The following CDC42BPA variants were observed in gnomAD, a reference collection of about 807,000 sequenced individuals.
CDC42BPA encodes serine/threonine-protein kinase MRCK alpha.
A neutral mutation model predicts 223.5 loss-of-function variants in CDC42BPA; 80 were observed. The ratio of observed to expected loss-of-function variants is 0.36; its 90% confidence interval spans 0.30 to 0.43. The LOEUF is 0.43. Among genes scored for constraint, CDC42BPA ranks in the 20% least tolerant of loss-of-function variants. The probability of loss-of-function intolerance (pLI) is 1.00; values close to 1 mark genes in which losing one functional copy is unlikely to be tolerated. For missense variants in CDC42BPA, 1,743 were observed against 2,099.9 expected, an observed-to-expected ratio of 0.83 and a Z score of 3.32; for synonymous variants, 694 against 718.6, an observed-to-expected ratio of 0.97 and a Z score of 0.55.
At chr1:227,038,710 A>T (rs1265862021) in intron 24 of CDC42BPA, among the ~76,000 whole-genome samples, 1 of 152,220 alleles carries the variant, frequency 6.6e-6, no homozygotes, top group Non-Finnish European at 1.5e-5. Flanking sequence ...AACAAGTGGG[A>T]TCAAGATCCT....
intron 34 of CDC42BPA, among the ~76,000 whole-genome samples, chr1:227,008,145 T>G (rs1664460094): frequency 6.6e-6 from 1 of 152,230 alleles, no homozygotes; most frequent in African/African-American, 2.4e-5. Context: ...GAAAGATATT[T>G]GCTGAATAAA....
intron 5 of CDC42BPA, among the ~76,000 whole-genome samples, chr1:227,168,504 T>TTTTTTGTTTTTTTTTTTG (rs1665514853): frequency 1.1e-5 from 1 of 90,902 alleles, no homozygotes; most frequent in African/African-American, 4.2e-5. Flanking sequence ...GGTGTTTTTT[T>TTTTTTGTTTTTTTTTTTG]TTTTTTTTTG....
At position 227,143,020 on chromosome 1, in the gene CDC42BPA, G is replaced by A. The variant is rs372428965; in HGVS notation, c.1148C>T (p.Thr383Met). ...TGCAGTATGTGTTGGTGGGGGCATC[G>A]TTTCCTAAAGGAGGAAAAAACATCT... ...VDDDCLKNSE[T>M]MPPPTHTAFS... is the part of the protein sequence containing the mutation. The change falls in exon 9 of 37, where the codon ACG (threonine) becomes ATG (methionine). Residue 383 changes from threonine (T) to methionine (M), a missense_variant. By Grantham distance (81) the Thr-to-Met change is moderately conservative. This residue lies in a region of CDC42BPA where 321 missense variants were observed against 488.7 expected (regional missense o/e 0.66). Coordinates refer to ENST00000366766, the MANE Select transcript of CDC42BPA (RefSeq NM_001394014.1). 1.2e-5 allele frequency: 18 copies of A among 1,521,780 alleles called. No homozygotes were observed. Among genetic ancestry groups the A allele is most frequent in the Admixed American group, 2.5e-5 (1 of 40,328 alleles). 94.3% of individuals were successfully genotyped at this position (1,521,780 alleles called of 1,614,324 possible).
chr1:227,300,865 G>A (rs1173931159), intron 1 of CDC42BPA, among the ~76,000 whole-genome samples: 3 of 152,206 alleles, frequency 2.0e-5, no homozygotes, highest in African/African-American at 7.2e-5. Flanking sequence ...GCATTTACAA[G>A]TATCAACTTG....
chr1:227,254,078 C>A lies in CDC42BPA; in HGVS notation c.256G>T (p.Gly86Ter). The A allele has an allele frequency of 2.5e-6, 4 of 1,592,846 alleles. No homozygotes were observed. The highest frequency in any genetic ancestry group is 3.4e-6 in the Non-Finnish European group (4 of 1,165,024). The stretch of plus-strand genomic sequence containing the variant: ...TAATCTCTTACCTCCCCAAAAGCTC[C>A]TCGACCAATCACCTTTAATATTTCA... ...DFEILKVIGR[G>*]AFGEVAVVKL... The change falls in exon 2 of 37, where the codon GGA (glycine) becomes TGA (stop). Residue 86 changes from glycine to a stop codon, truncating the protein, a stop_gained. Coordinates refer to ENST00000366766, the MANE Select transcript of CDC42BPA (RefSeq NM_001394014.1). LOFTEE classifies it high-confidence loss of function.
intron 6 of CDC42BPA, among the ~76,000 whole-genome samples, 177 bp from the exon 7 acceptor site, chr1:227,147,736 T>C (rs1021020895): frequency 1.3e-5 from 2 of 152,164 alleles, no homozygotes; most frequent in Admixed American, 6.5e-5. Context: ...ATTAATAGTT[T>C]TCAGGATTTC....
rs528435401 is a variant in CDC42BPA at position 227,022,960 on chromosome 1, AT to A, written c.4615+302del. The stretch of plus-strand genomic sequence containing the variant: ...TTACAAATTTTGGTTAGGTTCTACA[AT>A]ATTGAAAATACAGAAGACATAATCA... On this transcript the variant is annotated intron_variant, in intron 32 of 36. Coordinates refer to ENST00000366766, the MANE Select transcript of CDC42BPA (RefSeq NM_001394014.1). Among the ~76,000 whole-genome samples the A allele has an allele frequency of 1.4e-4, 21 of 152,338 alleles. 1 individual carries two copies. The South Asian group carries it at 4.3e-3, about 32-fold the overall frequency.
chr1:227,299,052 A>C (rs1274902259), intron 1 of CDC42BPA, among the ~76,000 whole-genome samples: 1 of 152,194 alleles, frequency 6.6e-6, no homozygotes, highest in Non-Finnish European at 1.5e-5. Context: ...AGAAGAGTAA[A>C]TTTGAACTAA....
chr1:227,119,688 TAAG>T (rs1688320764), intron 12 of CDC42BPA, 113 bp downstream of exon 12: 5 of 686,148 alleles, frequency 7.3e-6, no homozygotes, highest in Non-Finnish European at 1.1e-5. Flanking sequence ...GACCAACTTT[TAAG>T]AAGATAAAAT....
At chr1:227,070,845 A>G (rs1678164242) in intron 20 of CDC42BPA, among the ~76,000 whole-genome samples, 1 of 151,840 alleles carries the variant, frequency 6.6e-6, no homozygotes, top group Non-Finnish European at 1.5e-5. Context: ...TGATAAACTT[A>G]AGTCTCTTTC....
chr1:227,206,060 G>A lies in CDC42BPA; in HGVS notation c.355-6408C>T, dbSNP rs79831403. Among the ~76,000 whole-genome samples the A allele has an allele frequency of 7.4e-3, 1,124 of 152,160 alleles. 11 individuals carry two copies. The highest frequency in any genetic ancestry group is 9.4e-3 in the Non-Finnish European group (642 of 67,988). ...AAGACTCTGCCTCAATAAATAAAAT[G>A]TTTTTAAAAGGTTTTATAAAAAGGT... On this transcript the variant is annotated intron_variant, in intron 3 of 36. Transcript: ENST00000366766.
chr1:227,016,895 A>C, intron 33 of CDC42BPA, 32 bp downstream of exon 33: 1 of 1,593,074 alleles, frequency 6.3e-7, no homozygotes. Context: ...GGTACAAGCA[A>C]GCATGGATGA....
chr1:227,017,622 C>T (rs1285361400), intron 32 of CDC42BPA, among the ~76,000 whole-genome samples: 4 of 152,112 alleles, frequency 2.6e-5, no homozygotes, highest in East Asian at 3.8e-4. Flanking sequence ...AAGAATCTGT[C>T]GCTATTTTTC....
At chr1:227,076,574 T>C (rs1679531632) in intron 17 of CDC42BPA, among the ~76,000 whole-genome samples, 1 of 152,210 alleles carries the variant, frequency 6.6e-6, no homozygotes, top group Non-Finnish European at 1.5e-5. Flanking sequence ...TATCTCTTGC[T>C]CCTTGCTTGT....
intron 21 of CDC42BPA, among the ~76,000 whole-genome samples, chr1:227,062,972 T>G (rs1676239297): frequency 6.6e-6 from 1 of 152,136 alleles, no homozygotes; most frequent in African/African-American, 2.4e-5. Context: ...CTCCCGAAAC[T>G]ATCTTTGAAA....
At chr1:227,148,133 G>T (rs1661025990) in intron 6 of CDC42BPA, among the ~76,000 whole-genome samples, 1 of 152,092 alleles carries the variant, frequency 6.6e-6, no homozygotes, top group South Asian at 2.1e-4. Flanking sequence ...TTGAGTACTT[G>T]TTATAGCAGG....
At chr1:227,246,244 C>T (rs973656093) in intron 2 of CDC42BPA, among the ~76,000 whole-genome samples, 9 of 152,160 alleles carry the variant, frequency 5.9e-5, no homozygotes, top group Admixed American at 2.6e-4. Flanking sequence ...GAGAGAAGAG[C>T]GGGAAGAACT....
chr1:227,311,632 C>G (rs1164532626), intron 1 of CDC42BPA, among the ~76,000 whole-genome samples: 1 of 151,512 alleles, frequency 6.6e-6, no homozygotes, highest in African/African-American at 2.4e-5. Context: ...CGGAAAAAAA[C>G]AAAGGAAGAG....
intron 1 of CDC42BPA, among the ~76,000 whole-genome samples, chr1:227,312,893 C>T (rs149688643): frequency 1.3e-5 from 2 of 152,116 alleles, no homozygotes; most frequent in African/African-American, 2.4e-5. Context: ...CCATGCAGGA[C>T]GGGGTCGGCT....
Sources: allele counts gnomAD v4.1 joint callset (sites outside exome capture counted in the v4.1 genomes callset), GRCh38; gene constraint gnomAD v4.1.1; regional missense constraint gnomAD v4.1.1; transcripts MANE v1.5; gene names NCBI Gene and HGNC (gene_info 2026-07-23, HGNC 2026-07-21).